Variants in SLBP observed in about 807,000 individuals in gnomAD.
SLBP encodes histone RNA hairpin-binding protein.
In SLBP, 29 loss-of-function variants were observed where a neutral mutation model predicts 39.2. The ratio of observed to expected loss-of-function variants is 0.74; its 90% CI spans 0.55 to 1.01. SLBP has a LOEUF of 1.01. Among genes scored for constraint, SLBP ranks in the 50% least tolerant of loss-of-function variants. The pLI is 0.00. For synonymous variants in SLBP, 129 were observed against 118.7 expected, an observed-to-expected ratio of 1.09 and a Z score of -0.57; for missense variants, 390 against 350.2, an observed-to-expected ratio of 1.11 and a Z score of -0.91.
chr4:1,712,288 C>T lies in SLBP; in HGVS notation c.-100G>A, dbSNP rs758244088. Reference sequence around the variant, plus strand: ...AGCAGGGCAGGGCCTGAGGCAGAAACCCGCGTCCCCGCGCCGGCGCTCACG... The same window carrying T: ...AGCAGGGCAGGGCCTGAGGCAGAAATCCGCGTCCCCGCGCCGGCGCTCACG... On this transcript the variant is annotated 5_prime_UTR_variant, in exon 1 of 8. Transcript: ENST00000489418. 9 of 685,560 alleles carry T rather than the reference C, an allele frequency of 1.3e-5. No homozygotes were observed. The highest frequency in any genetic ancestry group is 1.1e-4 in the South Asian group (4 of 35,082). The allele number at this position is 685,560 out of a possible 1,614,324, so 42.5% of individuals were successfully genotyped here.
In SLBP at chr4:1,712,237, C is replaced by G; in HGVS notation, c.-49G>C. ...CGCAGGGCCGAGGCTGAGGCGGCGG[C>G]GGCGCGGGCAGAGAGCGCAGAGTAG... On this transcript the variant is annotated 5_prime_UTR_variant, in exon 1 of 8. Coordinates refer to ENST00000489418, the MANE Select transcript of SLBP (RefSeq NM_006527.4). 1.7e-6 allele frequency: 2 copies of G among 1,172,850 alleles called. No individual in the cohort carries two copies. The highest frequency in any genetic ancestry group is 2.2e-6 in the Non-Finnish European group (2 of 918,054). 72.7% of individuals were successfully genotyped at this position (1,172,850 alleles called of 1,614,324 possible).
chr4:1,709,681 G>C (rs114805851), intron 2 of SLBP, among the ~76,000 whole-genome samples: 1 of 150,134 alleles, frequency 6.7e-6, no homozygotes, highest in Non-Finnish European at 1.5e-5. Context: ...GGGCGATCTC[G>C]GCTCATCGCA....
intron 4 of SLBP, 29 bp downstream of exon 4, chr4:1,699,982 T>TAGAAA: frequency 6.7e-7 from 1 of 1,500,444 alleles, no homozygotes; most frequent in Non-Finnish European, 9.1e-7. Context: ...TCTATCAAAT[T>TAGAAA]AGAAAAGAAA....
chr4:1,693,818 C>A, intron 7 of SLBP, 105 bp from the exon 8 acceptor site: 1 of 727,698 alleles, frequency 1.4e-6, no homozygotes. Context: ...ATGTAATGCA[C>A]AGCAAGGTGT....
At chr4:1,701,142 TTTTC>T (rs1462338672) in intron 3 of SLBP, among the ~76,000 whole-genome samples, 5 of 129,462 alleles carry the variant, frequency 3.9e-5, no homozygotes, top group African/African-American at 1.3e-4. Flanking sequence ...ATTTTCTTTT[TTTTC>T]TTTTTTTTTT....
intron 2 of SLBP, among the ~76,000 whole-genome samples, chr4:1,706,327 C>T (rs761488805): frequency 3.3e-5 from 5 of 152,078 alleles, no homozygotes; most frequent in African/African-American, 7.2e-5. Flanking sequence ...ATTTACCTTT[C>T]GGGCGCATGT....
intron 5 of SLBP, 49 bp from the exon 6 acceptor site, chr4:1,696,400 TC>T: frequency 6.9e-7 from 1 of 1,447,560 alleles, no homozygotes; most frequent in Non-Finnish European, 9.2e-7. Flanking sequence ...CACTCACATT[TC>T]CACATTAGCC....
chr4:1,706,907 T>C (rs947560320), intron 2 of SLBP, among the ~76,000 whole-genome samples: 3 of 150,128 alleles, frequency 2.0e-5, no homozygotes, highest in South Asian at 2.1e-4. Context: ...CCGAGGTAGG[T>C]AGATCACCTG....
intron 5 of SLBP, among the ~76,000 whole-genome samples, chr4:1,697,285 G>A (rs957944697): frequency 2.0e-5 from 3 of 147,184 alleles, no homozygotes; most frequent in South Asian, 2.2e-4. Flanking sequence ...CTGGCCAACA[G>A]GGTGAAACCC....
chr4:1,698,763 C>A (rs902092796), intron 5 of SLBP, among the ~76,000 whole-genome samples: 7 of 151,628 alleles, frequency 4.6e-5, no homozygotes, highest in African/African-American at 1.7e-4. Context: ...GGATTACAGG[C>A]ATGAGCCACT....
chr4:1,705,234 A>ACC (rs1210405016), intron 2 of SLBP, among the ~76,000 whole-genome samples: 2 of 152,122 alleles, frequency 1.3e-5, no homozygotes, highest in Non-Finnish European at 2.9e-5. Context: ...GACTGCACTG[A>ACC]CCCATCCTAA....
At chr4:1,705,282 T>C (rs749910600) in intron 2 of SLBP, among the ~76,000 whole-genome samples, 65 of 152,192 alleles carry the variant, frequency 4.3e-4, no homozygotes, top group Non-Finnish European at 8.5e-4. Context: ...TTCTGTTCTC[T>C]CTCCATTCTC....
intron 5 of SLBP, among the ~76,000 whole-genome samples, chr4:1,697,011 A>C (rs554843167): frequency 1.3e-5 from 2 of 151,734 alleles, no homozygotes; most frequent in South Asian, 4.2e-4. Context: ...ACCAAAAATT[A>C]GCCAGTCATG....
intron 6 of SLBP, among the ~76,000 whole-genome samples, chr4:1,695,967 G>A (rs2109114645): frequency 6.6e-6 from 1 of 152,240 alleles, no homozygotes; most frequent in Non-Finnish European, 1.5e-5. Flanking sequence ...AACAAAAACT[G>A]TATTCCCAGA....
At chr4:1,697,640 A>AGAC (rs1716162484) in intron 5 of SLBP, among the ~76,000 whole-genome samples, 1 of 152,088 alleles carries the variant, frequency 6.6e-6, no homozygotes, top group Admixed American at 6.5e-5. Context: ...CAGGAGTTCG[A>AGAC]GACCAGCCTG....
intron 3 of SLBP, among the ~76,000 whole-genome samples, chr4:1,701,152 T>TTC (rs1716312024): frequency 6.7e-6 from 1 of 148,270 alleles, no homozygotes; most frequent in South Asian, 2.2e-4. Flanking sequence ...TTTTCTTTTT[T>TTC]TTTTTTTTTT....
intron 3 of SLBP, among the ~76,000 whole-genome samples, chr4:1,700,741 C>CT (rs1441160316): frequency 6.6e-6 from 1 of 151,858 alleles, no homozygotes; most frequent in African/African-American, 2.4e-5. Flanking sequence ...AAATTTTTTT[C>CT]TTTTTTTGGA....
intron 5 of SLBP, among the ~76,000 whole-genome samples, chr4:1,697,002 C>A (rs1716132537): frequency 6.6e-6 from 1 of 150,902 alleles, no homozygotes; most frequent in African/African-American, 2.4e-5. Context: ...ACTAAAAATA[C>A]CAAAAATTAG....
At chr4:1,706,908 A>G (rs1252589436) in intron 2 of SLBP, among the ~76,000 whole-genome samples, 1 of 151,148 alleles carries the variant, frequency 6.6e-6, no homozygotes, top group Non-Finnish European at 1.5e-5. Flanking sequence ...CGAGGTAGGT[A>G]GATCACCTGA....
Sources: allele counts gnomAD v4.1 joint callset (sites outside exome capture counted in the v4.1 genomes callset), GRCh38; gene constraint gnomAD v4.1.1; transcripts MANE v1.5; gene names NCBI Gene and HGNC (gene_info 2026-07-23, HGNC 2026-07-21).